SHISA9: variants seen among roughly 807,000 people sequenced by gnomAD.
The protein encoded by SHISA9 is protein shisa-9.
A neutral mutation model predicts 38.0 loss-of-function variants in SHISA9; 13 were observed. That is an observed-to-expected ratio of 0.34 (90% CI 0.22 to 0.54). The LOEUF is 0.54. Ranked by LOEUF, SHISA9 falls within the 20% of genes least tolerant of loss-of-function variation. SHISA9 has a pLI of 0.91. For missense variants in SHISA9, 538 were observed against 575.8 expected (o/e 0.93, Z 0.67); for synonymous variants, 275 against 242.0 (o/e 1.14, Z -1.27).
the SHISA9 span, among the ~76,000 whole-genome samples, chr16:13,249,883 C>T: frequency 6.6e-6 from 1 of 152,274 alleles, no homozygotes; most frequent in Admixed American, 6.5e-5. Flanking sequence ...AGGCACACAC[C>T]ACCCTGCCCA....
chr16:13,293,730 C>G, the SHISA9 span, among the ~76,000 whole-genome samples: 1 of 152,170 alleles, frequency 6.6e-6, no homozygotes, highest in South Asian at 2.1e-4. Flanking sequence ...TAATGTTTTT[C>G]CATGGCTCTG....
At chr16:13,154,076 G>A (rs2050522399) in intron 2 of SHISA9, among the ~76,000 whole-genome samples, 1 of 152,136 alleles carries the variant, frequency 6.6e-6, no homozygotes, top group Admixed American at 6.6e-5. Context: ...GAGGCTCAGA[G>A]AAGGGAATTA....
At chr16:12,954,247 T>C (rs2141780533) in intron 2 of SHISA9, among the ~76,000 whole-genome samples, 1 of 152,266 alleles carries the variant, frequency 6.6e-6, no homozygotes, top group Admixed American at 6.5e-5. Context: ...CCCAGGGAAG[T>C]AGAAGTGTCT....
the SHISA9 span, among the ~76,000 whole-genome samples, chr16:13,534,228 T>C: frequency 6.6e-6 from 1 of 150,600 alleles, no homozygotes; most frequent in Non-Finnish European, 1.5e-5. Context: ...ATTTCACTTT[T>C]TTTTTTTTTT....
Position 13,225,438 on chromosome 16 carries a change from C to G in SHISA9, c.896-9592C>G, listed in dbSNP as rs147218005. ...ATAAGTAGCTAGAGTCCACGTCAAA[C>G]AGACCTCAGGGACCACTGCAAAGAA... On this transcript the variant is annotated intron_variant, in intron 4 of 4. Coordinates refer to ENST00000558583, the MANE Select transcript of SHISA9 (RefSeq NM_001145204.3). 8.5e-5 allele frequency among the ~76,000 whole-genome samples: 13 copies of G among 152,284 alleles called. No individual in the cohort carries two copies. In the East Asian group the frequency reaches 2.1e-3, roughly 25 times the overall value.
At chr16:13,352,052 G>T in the SHISA9 span, among the ~76,000 whole-genome samples, 1 of 152,162 alleles carries the variant, frequency 6.6e-6, no homozygotes, top group African/African-American at 2.4e-5. Flanking sequence ...ATCAATTTGA[G>T]CATGGAGAGA....
the SHISA9 span, among the ~76,000 whole-genome samples, chr16:13,486,450 G>C: frequency 6.6e-6 from 1 of 152,176 alleles, no homozygotes; most frequent in Non-Finnish European, 1.5e-5. Context: ...TTGCAACCAA[G>C]AGTCAGCATC....
At chr16:13,329,590 T>G in the SHISA9 span, among the ~76,000 whole-genome samples, 1 of 152,114 alleles carries the variant, frequency 6.6e-6, no homozygotes, top group Non-Finnish European at 1.5e-5. Flanking sequence ...TAAGCTGAGG[T>G]GATGTAAAAT....
intron 2 of SHISA9, among the ~76,000 whole-genome samples, chr16:12,945,066 A>G (rs779309194): frequency 2.0e-5 from 3 of 152,132 alleles, no homozygotes; most frequent in Non-Finnish European, 2.9e-5. Context: ...CTAGCTCAAC[A>G]TTGCTTGAGG....
chr16:13,127,506 A>C (rs2050272234), intron 2 of SHISA9, among the ~76,000 whole-genome samples: 1 of 151,864 alleles, frequency 6.6e-6, no homozygotes, highest in South Asian at 2.1e-4. Flanking sequence ...AAAACAAGAA[A>C]AGGATAGAGA....
At chr16:13,206,914 C>G (rs1409294987) in intron 3 of SHISA9, among the ~76,000 whole-genome samples, 1 of 152,264 alleles carries the variant, frequency 6.6e-6, no homozygotes, top group Non-Finnish European at 1.5e-5. Context: ...AGAGTCACGG[C>G]ATCTTTGCCA....
chr16:13,255,476 A>G, the SHISA9 span, among the ~76,000 whole-genome samples: 4 of 152,260 alleles, frequency 2.6e-5, no homozygotes, highest in East Asian at 7.7e-4. Flanking sequence ...AGGTCAGTTC[A>G]CATTAAACCA....
intron 2 of SHISA9, among the ~76,000 whole-genome samples, chr16:13,172,043 T>C (rs1270019205): frequency 6.6e-6 from 1 of 152,100 alleles, no homozygotes; most frequent in East Asian, 1.9e-4. Context: ...CTTCCCACTT[T>C]CTCTCCTTCC....
the SHISA9 span, among the ~76,000 whole-genome samples, chr16:13,339,266 A>C: frequency 2.2e-4 from 33 of 149,520 alleles, no homozygotes; most frequent in Admixed American, 5.4e-4. Flanking sequence ...ACTTTTTGCC[A>C]TATCAGTCTT....
At chr16:13,498,069 C>A in the SHISA9 span, among the ~76,000 whole-genome samples, 1 of 151,382 alleles carries the variant, frequency 6.6e-6, no homozygotes, top group African/African-American at 2.4e-5. Context: ...AATAAAACAA[C>A]AAATTAAAAA....
intron 2 of SHISA9, among the ~76,000 whole-genome samples, chr16:13,087,752 A>G (rs931817218): frequency 6.6e-6 from 1 of 152,188 alleles, no homozygotes; most frequent in African/African-American, 2.4e-5. Flanking sequence ...GTAGATTGCA[A>G]AAATTTTCTC....
At chr16:13,429,180 T>C in the SHISA9 span, among the ~76,000 whole-genome samples, 1 of 152,136 alleles carries the variant, frequency 6.6e-6, no homozygotes, top group Non-Finnish European at 1.5e-5. Context: ...ATAACAAAGA[T>C]CTCAATTTTA....
chr16:13,209,251 G>T lies in SHISA9; in HGVS notation c.848-4002G>T, dbSNP rs188761951. On this transcript the variant is annotated intron_variant, in intron 3 of 4. Transcript: ENST00000558583. ...CATTTTCCCCTGATCTCGGAGATAC[G>T]CTGGTACCTGGATTAACATGCAATT... Among the ~76,000 whole-genome samples the T allele has an allele frequency of 3.2e-3, 481 of 152,236 alleles. 1 individual carries two copies. The highest frequency in any genetic ancestry group is 5.4e-3 in the Non-Finnish European group (368 of 68,010).
At chr16:13,037,758 C>T (rs1216787781) in intron 2 of SHISA9, among the ~76,000 whole-genome samples, 1 of 152,150 alleles carries the variant, frequency 6.6e-6, no homozygotes, top group East Asian at 1.9e-4. Context: ...ACGTTATAGA[C>T]ATGTATATCT....
Sources: allele counts gnomAD v4.1 joint callset (sites outside exome capture counted in the v4.1 genomes callset), GRCh38; gene constraint gnomAD v4.1.1; transcripts MANE v1.5; gene names NCBI Gene and HGNC (gene_info 2026-07-23, HGNC 2026-07-21).